Variants in SEC24C observed in about 807,000 individuals in gnomAD.
SEC24C encodes the protein protein transport protein Sec24C.
In SEC24C, 22 loss-of-function variants were observed where a neutral mutation model predicts 117.0. That is an observed-to-expected ratio of 0.19 (90% CI 0.13 to 0.27). SEC24C has a LOEUF of 0.27. Among genes scored for constraint, SEC24C ranks in the 10% least tolerant of loss-of-function variants. The pLI, the probability that SEC24C is intolerant of heterozygous loss-of-function variation, is 1.00. For synonymous variants in SEC24C, 506 were observed against 529.4 expected, an observed-to-expected ratio of 0.96 and a Z score of 0.61; for missense variants, 1,155 against 1,375.1, an observed-to-expected ratio of 0.84 and a Z score of 2.53.
chr10:73,770,823 T>C (rs1477614232), intron 22 of SEC24C, 25 bp downstream of exon 22: 1 of 1,613,532 alleles, frequency 6.2e-7, no homozygotes. Flanking sequence ...AACCCTGGAT[T>C]TCTTACCTTG....
intron 14 of SEC24C, among the ~76,000 whole-genome samples, chr10:73,767,423 CT>C (rs1215189690): frequency 6.6e-6 from 1 of 152,190 alleles, no homozygotes; most frequent in Non-Finnish European, 1.5e-5. Flanking sequence ...AATCCGAGCG[CT>C]TTGGGAGGCC....
chr10:73,756,950 A>G (rs2082718672), intron 3 of SEC24C, among the ~76,000 whole-genome samples: 1 of 108,834 alleles, frequency 9.2e-6, no homozygotes, highest in African/African-American at 3.7e-5. Context: ...TCGCTCTGTC[A>G]CCCAGGCTGG....
Position 73,766,780 on chromosome 10 carries a change from A to G in SEC24C, c.1820A>G (p.Glu607Gly). The G allele has an allele frequency of 6.2e-7, 1 of 1,614,168 alleles. No individual in the cohort carries two copies. The highest frequency in any genetic ancestry group is 8.5e-7 in the Non-Finnish European group (1 of 1,180,008). Residue 607 changes from glutamate to glycine, a missense_variant, in exon 13 of 23, where the codon GAA becomes GGA. Glu to Gly is a moderately conservative substitution (Grantham distance 98). Transcript: ENST00000345254. ...TTTAGCTTATTGGATCAGATTCCAG[A>G]AATGTTTGCAGACACAAGGGAAACA... ...VITSLLDQIP[E>G]MFADTRETET...
At position 73,769,910 on chromosome 10, in the gene SEC24C, T is replaced by C; in HGVS notation, c.2757T>C (p.Pro919=). ...NCVLKSDVLQ[P]GAEVTTDDRA... ...TGTTGAAGAGTGATGTCCTGCAGCC[T>C]GGAGCTGAAGTCACTACTGATGACC... The change falls in exon 20 of 23, where the codon CCT becomes CCC. Residue 919 remains proline (P), a synonymous_variant. Coordinates refer to ENST00000345254, the MANE Select transcript of SEC24C (RefSeq NM_198597.3). The surrounding 1 kb of genome is among the most constrained non-coding windows in gnomAD (Gnocchi z 4.5). 1 of 1,614,216 alleles carries C rather than the reference T, an allele frequency of 6.2e-7. No individual in the cohort carries two copies. Among genetic ancestry groups the C allele is most frequent in the Non-Finnish European group, 8.5e-7 (1 of 1,180,032 alleles).
intron 3 of SEC24C, among the ~76,000 whole-genome samples, chr10:73,757,905 A>G (rs1383988974): frequency 1.6e-5 from 2 of 127,494 alleles, no homozygotes; most frequent in African/African-American, 6.3e-5. Context: ...TGGGTGACAG[A>G]GCGAGACCCT....
intron 3 of SEC24C, chr10:73,751,696 A>G (rs1477693058): frequency 2.6e-5 from 4 of 150,950 alleles, no homozygotes; most frequent in Non-Finnish European, 4.4e-5. Flanking sequence ...ACCCTTTTGT[A>G]CTTTGTCTTC....
At chr10:73,765,342 C>T (rs546936750) in intron 8 of SEC24C, 109 bp from the exon 9 acceptor site, 71 of 1,231,802 alleles carry the variant, frequency 5.8e-5, no homozygotes, top group Middle Eastern at 2.8e-4. Context: ...CCTCTGCAGA[C>T]AGAATATCTG....
rs2082937118 is a variant in SEC24C, at chr10:73,769,348, G to A, written c.2426G>A (p.Cys809Tyr). The change falls in exon 18 of 23, where the codon TGT becomes TAT. Residue 809 changes from cysteine (C) to tyrosine (Y), a missense_variant and splice_region_variant. Cys to Tyr is a radical substitution (Grantham distance 194). Around this residue, in one of 2 missense-constraint regions of SEC24C, gnomAD observed 759 missense variants for 992.3 expected, o/e 0.76. Transcript: ENST00000345254. This position sits in a 1 kb window ranked among gnomAD's most constrained non-coding sequence, Gnocchi z 4.5. ...LNEESGALLQ[C>Y]ALLYTSCAGQ... is the part of the protein sequence containing the mutation. ...TTCCCCCTTTCTCCTTTCCCCTAGT[G>A]TGCCCTGCTTTACACCAGCTGTGCA... The A allele has an allele frequency of 7.4e-6, 12 of 1,613,916 alleles. No homozygotes were observed. The highest frequency in any genetic ancestry group is 2.2e-5 in the East Asian group (1 of 44,878).
chr10:73,751,342 CCT>C, intron 3 of SEC24C, 99 bp downstream of exon 3: 7 of 1,231,168 alleles, frequency 5.7e-6, no homozygotes, highest in South Asian at 3.1e-5. Context: ...GGGTGGATCA[CCT>C]GAGGTCAGGA....
chr10:73,764,027 T>C (rs765633196), intron 8 of SEC24C, 44 bp downstream of exon 8: 2 of 1,540,570 alleles, frequency 1.3e-6, no homozygotes, highest in South Asian at 2.4e-5. Flanking sequence ...GGGAGGGAGG[T>C]AGAGAGGGGT....
chr10:73,758,734 T>A (rs2082750483), intron 3 of SEC24C, among the ~76,000 whole-genome samples: 1 of 152,248 alleles, frequency 6.6e-6, no homozygotes, highest in Non-Finnish European at 1.5e-5. Context: ...TAGTGTATAT[T>A]AGTACTCCAT....
rs944422144 is a variant in SEC24C, at chr10:73,768,918, T to C, written c.2278+12T>C. 12 of 1,614,046 alleles carry C rather than the reference T, an allele frequency of 7.4e-6. No individual in the cohort carries two copies. Among genetic ancestry groups the C allele is most frequent in the African/African-American group, 2.7e-5 (2 of 74,918 alleles). On this transcript the variant is annotated intron_variant, in intron 16 of 22. Transcript: ENST00000345254. ...CCGGACAAGCACTGGTCAGTCCTGA[T>C]TGAAGAGCAGGTTGGGGGGCTAAAT...
In SEC24C at chr10:73,763,974, C is replaced by T. The variant is rs371475534; in HGVS notation, c.1218C>T (p.Pro406=). Residue 406 remains proline (P), a synonymous_variant, in exon 8 of 23, where the codon CCC becomes CCT. Transcript: ENST00000345254. ...AAVIKPLARL[P]PEEASPYVVD... ...TCATCAAACCGCTGGCAAGGCTGCCCCCAGAGGAGGTGAGTCAGGGAAGGG... is the reference window on the plus strand; with the variant it reads ...TCATCAAACCGCTGGCAAGGCTGCCTCCAGAGGAGGTGAGTCAGGGAAGGG... 8 of 1,588,162 alleles carry T rather than the reference C, an allele frequency of 5.0e-6. No homozygotes were observed. The highest frequency in any genetic ancestry group is 6.9e-6 in the Non-Finnish European group (8 of 1,164,904).
chr10:73,750,958 G>C (rs930924242), intron 2 of SEC24C, 150 bp from the exon 3 acceptor site: 5 of 755,738 alleles, frequency 6.6e-6, no homozygotes, highest in Non-Finnish European at 1.1e-5. Flanking sequence ...TGTAGCTACA[G>C]TTGTATGCTG....
rs1589520508 is a variant in SEC24C at position 73,760,105 on chromosome 10, T to G, written c.569T>G (p.Leu190Arg). ...TATCCTCAGGGCCAGGCTCCTCCCC[T>G]TAGCCAGGCCCAAGGTCATCCTGGG... ...GSYPQGQAPP[L>R]SQAQGHPGIQ... The change falls in exon 5 of 23, where the codon CTT (leucine) becomes CGT (arginine). Residue 190 changes from leucine to arginine, a missense_variant. By Grantham distance (102) the Leu-to-Arg change is moderately radical (BLOSUM62 -2). Around this residue, in one of 2 missense-constraint regions of SEC24C, gnomAD observed 396 missense variants for 382.8 expected, o/e 1.03. Coordinates refer to ENST00000345254, the MANE Select transcript of SEC24C (RefSeq NM_198597.3). The G allele has an allele frequency of 3.2e-5, 52 of 1,613,962 alleles. No homozygotes were observed. The highest frequency in any genetic ancestry group is 4.2e-5 in the Non-Finnish European group (50 of 1,179,970).
In SEC24C at chr10:73,769,262, C is replaced by T. The variant is rs753379581; in HGVS notation, c.2425-85C>T. The T allele has an allele frequency of 6.3e-7, 1 of 1,587,566 alleles. No homozygotes were observed. The highest frequency in any genetic ancestry group is 8.6e-7 in the Non-Finnish European group (1 of 1,165,240). The stretch of plus-strand genomic sequence containing the variant: ...AAGAAGAGACAGGGCACGGGAGTGG[C>T]TCATTTCTCTCTTCCAGTTTAATAG... On this transcript the variant is annotated intron_variant, in intron 17 of 22. Coordinates refer to ENST00000345254, the MANE Select transcript of SEC24C (RefSeq NM_198597.3). This position sits in a 1 kb window ranked among gnomAD's most constrained non-coding sequence, Gnocchi z 4.5.
rs192302647 is a variant in SEC24C at position 73,754,393 on chromosome 10, C to T, written c.308+3150C>T. 3.0e-3 allele frequency among the ~76,000 whole-genome samples: 462 copies of T among 152,142 alleles called. 1 individual carries two copies. The highest frequency in any genetic ancestry group is 9.5e-3 in the African/African-American group (396 of 41,498). ...TTGTGCCACTGCACTCCATCCTGGG[C>T]GACAGAGTGAGACTTCGTCTCAGGA... On this transcript the variant is annotated intron_variant, in intron 3 of 22. Coordinates refer to ENST00000345254, the MANE Select transcript of SEC24C (RefSeq NM_198597.3).
Position 73,767,857 on chromosome 10 carries a change from A to G in SEC24C, c.2031A>G (p.Thr677=), listed in dbSNP as rs775133867. 179 of 1,612,154 alleles carry G rather than the reference A, an allele frequency of 1.1e-4. No homozygotes were observed. Among genetic ancestry groups the G allele is most frequent in the Non-Finnish European group, 1.5e-4 (173 of 1,179,014 alleles). ...DKEKTLFQPQ[T]GAYQTLAKEC... is the part of the protein sequence containing the mutation. ...CCTAGACTCTGTTCCAGCCTCAGACAGGTGCCTATCAGACCCTGGCCAAAG... is the reference window on the plus strand; with the variant it reads ...CCTAGACTCTGTTCCAGCCTCAGACGGGTGCCTATCAGACCCTGGCCAAAG... Residue 677 remains threonine (T), a synonymous_variant, in exon 15 of 23, where the codon ACA becomes ACG. Coordinates refer to ENST00000345254, the MANE Select transcript of SEC24C (RefSeq NM_198597.3).
rs1485249980 is a variant in SEC24C at position 73,760,393 on chromosome 10, C to A, written c.850+7C>A. 2 of 1,579,614 alleles carry A rather than the reference C, an allele frequency of 1.3e-6. No homozygotes were observed. Among genetic ancestry groups the A allele is most frequent in the South Asian group, 1.1e-5 (1 of 88,884 alleles). On this transcript the variant is annotated splice_region_variant and intron_variant, in intron 5 of 22. Coordinates refer to ENST00000345254, the MANE Select transcript of SEC24C (RefSeq NM_198597.3). ...TATCAGCCCCAACAAAATGGTGAGT[C>A]TTTCCCAAGGTCTGTCTTAGAAGCT...
Sources: gnomAD v4.1 joint callset for allele counts (sites outside exome capture counted in the v4.1 genomes callset) on GRCh38, gnomAD v4.1.1 for gene constraint, gnomAD v4.1.1 regional missense constraint, Gnocchi (gnomAD v3.1) non-coding constraint, MANE v1.5 for transcripts, NCBI Gene and HGNC (gene_info 2026-07-23, HGNC 2026-07-21) for gene names.